JMJD1C: variants seen among roughly 807,000 people sequenced by gnomAD.
JMJD1C encodes the protein jumonji domain containing 1C, also known as jumonji domain-containing protein 1C.
JMJD1C carries 31 observed loss-of-function variants against 245.3 expected under a neutral mutation model. That is an observed-to-expected ratio of 0.13 (90% CI 0.09 to 0.17). JMJD1C has a LOEUF of 0.17. Among genes scored for constraint, JMJD1C ranks in the 10% least tolerant of loss-of-function variants. JMJD1C has a pLI of 1.00. For synonymous variants in JMJD1C, 1,057 were observed against 1,017.4 expected (o/e 1.04, Z -0.74); for missense variants, 2,691 against 3,000.2 (o/e 0.90, Z 2.41).
intron 1 of JMJD1C, among the ~76,000 whole-genome samples, chr10:63,401,149 G>C (rs1948828563): frequency 6.6e-6 from 1 of 152,186 alleles, no homozygotes; most frequent in African/African-American, 2.4e-5. Flanking sequence ...GTGAGCCACT[G>C]CACCCGGCCT....
At chr10:63,218,004 G>C (rs959207717) in intron 4 of JMJD1C, among the ~76,000 whole-genome samples, 9 of 152,120 alleles carry the variant, frequency 5.9e-5, no homozygotes, top group Admixed American at 3.9e-4. Flanking sequence ...TCACTCTACA[G>C]AAGAGGATAC....
At chr10:63,255,482 T>C (rs1029576409) in intron 3 of JMJD1C, among the ~76,000 whole-genome samples, 3 of 152,084 alleles carry the variant, frequency 2.0e-5, no homozygotes, top group Non-Finnish European at 4.4e-5. Flanking sequence ...CTGGAGAGGG[T>C]TTAAAGGGAA....
chr10:63,409,173 A>G (rs1949344540), intron 1 of JMJD1C, among the ~76,000 whole-genome samples: 1 of 152,208 alleles, frequency 6.6e-6, no homozygotes, highest in Admixed American at 6.5e-5. Flanking sequence ...AATAAGTACT[A>G]CCATTTCAAA....
intron 2 of JMJD1C, among the ~76,000 whole-genome samples, chr10:63,290,905 G>A (rs1858597056): frequency 6.6e-6 from 1 of 152,066 alleles, no homozygotes; most frequent in Non-Finnish European, 1.5e-5. Context: ...AGCAAATATT[G>A]AGAAAAAATA....
At chr10:63,378,591 C>CA (rs1946962906) in intron 2 of JMJD1C, among the ~76,000 whole-genome samples, 2 of 151,626 alleles carry the variant, frequency 1.3e-5, no homozygotes, top group South Asian at 2.1e-4. Flanking sequence ...GACTCCATCT[C>CA]AAAAAAACAA....
At chr10:63,490,404 T>G (rs1279577149) in intron 1 of JMJD1C, among the ~76,000 whole-genome samples, 3 of 141,630 alleles carry the variant, frequency 2.1e-5, no homozygotes, top group Non-Finnish European at 4.8e-5. Context: ...GCACAATCTA[T>G]AATTATTTAT....
chr10:63,431,545 C>T (rs1421612145), intron 1 of JMJD1C, among the ~76,000 whole-genome samples: 5 of 152,132 alleles, frequency 3.3e-5, no homozygotes, highest in Non-Finnish European at 7.4e-5. Flanking sequence ...ATGGACTATC[C>T]TAAAATTTTT....
At chr10:63,253,848 T>A (rs1853455820) in intron 3 of JMJD1C, among the ~76,000 whole-genome samples, 1 of 152,164 alleles carries the variant, frequency 6.6e-6, no homozygotes, top group Admixed American at 6.5e-5. Context: ...CAGAATGAAT[T>A]CCTTATTCCT....
intron 21 of JMJD1C, among the ~76,000 whole-genome samples, chr10:63,184,306 T>A (rs532205674): frequency 9.4e-5 from 14 of 148,654 alleles, no homozygotes; most frequent in African/African-American, 3.5e-4. Context: ...AGTAGTGCAA[T>A]CTCAGCTCAC....
chr10:63,201,975 G>A (rs1846066370), intron 10 of JMJD1C, among the ~76,000 whole-genome samples: 1 of 151,874 alleles, frequency 6.6e-6, no homozygotes, highest in African/African-American at 2.4e-5. Context: ...GCTATGTTGG[G>A]GTCCAGGTGC....
chr10:63,343,763 C>T (rs1466504959), intron 2 of JMJD1C, among the ~76,000 whole-genome samples: 1 of 152,084 alleles, frequency 6.6e-6, no homozygotes, highest in Non-Finnish European at 1.5e-5. Context: ...GTGGGCCAGG[C>T]GTAATGGCTC....
intron 3 of JMJD1C, among the ~76,000 whole-genome samples, chr10:63,246,847 G>T (rs916036554): frequency 6.6e-6 from 1 of 151,600 alleles, no homozygotes; most frequent in African/African-American, 2.4e-5. Context: ...CCTGAACAAC[G>T]AATAGGTCAA....
At chr10:63,267,228 G>A (rs1481449265) in intron 2 of JMJD1C, among the ~76,000 whole-genome samples, 1 of 152,052 alleles carries the variant, frequency 6.6e-6, no homozygotes, top group Non-Finnish European at 1.5e-5. Flanking sequence ...TTTATTAAAT[G>A]AGAAACAGTG....
chr10:63,266,385 G>T (rs1017398438), intron 2 of JMJD1C, among the ~76,000 whole-genome samples: 10 of 147,216 alleles, frequency 6.8e-5, no homozygotes, highest in Non-Finnish European at 1.4e-4. Flanking sequence ...AATCCTATAG[G>T]ATTTCATAAA....
chr10:63,414,896 G>A (rs1949710505), intron 1 of JMJD1C, among the ~76,000 whole-genome samples: 1 of 134,398 alleles, frequency 7.4e-6, no homozygotes, highest in East Asian at 2.1e-4. Flanking sequence ...GATACAGCAA[G>A]ACTCTATCTC....
Position 63,167,529 on chromosome 10 carries a change from T to C in JMJD1C, c.*516A>G. On this transcript the variant is annotated 3_prime_UTR_variant, in exon 26 of 26. Transcript: ENST00000399262. ...TGTATTTAGTATCTACTTTATATAC[T>C]TTATACTTTACAAATTTTACAATTA... is the stretch of plus-strand genomic sequence containing the variant. 1 of 150,372 alleles carries C rather than the reference T, an allele frequency of 6.7e-6. No homozygotes were observed. The highest frequency in any genetic ancestry group is 6.6e-5 in the Admixed American group (1 of 15,264). The allele number at this position is 150,372 out of a possible 1,614,324, so 9.3% of individuals were successfully genotyped here. A position where few individuals can be genotyped will look rare whatever the true frequency, so the allele number is the denominator to read the frequency against.
chr10:63,445,308 G>A (rs1222513236), intron 1 of JMJD1C, among the ~76,000 whole-genome samples: 1 of 152,132 alleles, frequency 6.6e-6, no homozygotes, highest in African/African-American at 2.4e-5. Flanking sequence ...TGACAGAGGA[G>A]GGAAGAGGTC....
Position 63,187,782 on chromosome 10 carries a change from C to G in JMJD1C, c.6570+1386G>C, listed in dbSNP as rs139994080. The stretch of plus-strand genomic sequence containing the variant: ...TAGACTCCTTGCCAATGGTATTATT[C>G]TCTTCTAACTCAACTTCTAATCTGC... On this transcript the variant is annotated intron_variant, in intron 18 of 25. Coordinates refer to ENST00000399262, the MANE Select transcript of JMJD1C (RefSeq NM_032776.3). Among the ~76,000 whole-genome samples, 23 of 152,312 alleles carry G rather than the reference C, an allele frequency of 1.5e-4. 1 individual carries two copies. The highest frequency in any genetic ancestry group is 6.8e-3 in the Middle Eastern group (2 of 294).
rs1375183971 is a variant in JMJD1C, at chr10:63,480,277, T to C, written n.113+41461A>G. Among the ~76,000 whole-genome samples, 3 of 151,854 alleles carry C rather than the reference T, an allele frequency of 2.0e-5. No homozygotes were observed. The East Asian group carries it at 5.8e-4, about 29-fold the overall frequency. ...GTGCGGGTCTCCTAAATACATTCGA[T>C]GGGAGCACTAATGAATCCTCCAGAA... On this transcript the variant is annotated intron_variant and non_coding_transcript_variant, in intron 1 of 3. Transcript: ENST00000633035.
Sources: allele counts gnomAD v4.1 joint callset (sites outside exome capture counted in the v4.1 genomes callset), GRCh38; gene constraint gnomAD v4.1.1; transcripts MANE v1.5; gene names NCBI Gene and HGNC (gene_info 2026-07-23, HGNC 2026-07-21).